Variants in RANBP17 observed in about 807,000 individuals in gnomAD.
RANBP17 encodes RAN binding protein 17, also known as ran-binding protein 17.
Under a neutral mutation model 141.2 loss-of-function variants are expected in RANBP17, and 158 were observed. That is an observed-to-expected ratio of 1.12 (90% CI 0.98 to 1.28). The LOEUF is 1.28. Ranked by LOEUF, RANBP17 falls within the 50% of genes most tolerant of loss-of-function variation. RANBP17 has a pLI of 0.00. For missense variants in RANBP17, 1,438 were observed against 1,290.7 expected (o/e 1.11, Z -1.75); for synonymous variants, 430 against 450.0 (o/e 0.96, Z 0.56).
intron 14 of RANBP17, among the ~76,000 whole-genome samples, chr5:171,149,969 G>A (rs1001158424): frequency 6.6e-6 from 1 of 152,176 alleles, no homozygotes; most frequent in African/African-American, 2.4e-5. Flanking sequence ...CAGATGTGGG[G>A]GTAGGGGGAG....
chr5:171,277,938 CTTTTTTTTTTTTT>C (rs140208253), intron 25 of RANBP17, among the ~76,000 whole-genome samples: 5 of 72,266 alleles, frequency 6.9e-5, no homozygotes, highest in Non-Finnish European at 9.4e-5. Flanking sequence ...GGACTTCTTT[CTTTTTTTTTTTTT>C]TTTTTTTTTT....
At chr5:171,180,354 C>G (rs565161569) in intron 16 of RANBP17, among the ~76,000 whole-genome samples, 256 of 152,314 alleles carry the variant, frequency 1.7e-3, no homozygotes, top group African/African-American at 5.7e-3. Context: ...CGTGACTCTT[C>G]TGTTGACATG....
At chr5:170,890,504 C>T (rs920474027) in intron 3 of RANBP17, among the ~76,000 whole-genome samples, 2 of 152,018 alleles carry the variant, frequency 1.3e-5, no homozygotes, top group Non-Finnish European at 2.9e-5. Flanking sequence ...TATCAAGAAT[C>T]TTACTACAAT....
intron 5 of RANBP17, chr5:170,897,185 G>A (rs372440344): frequency 2.2e-5 from 16 of 727,260 alleles, no homozygotes; most frequent in East Asian, 2.1e-4. Context: ...TTATGGCTCC[G>A]GAAATAATTG....
At chr5:171,102,567 AT>A (rs1184166622) in intron 14 of RANBP17, among the ~76,000 whole-genome samples, 1 of 151,908 alleles carries the variant, frequency 6.6e-6, no homozygotes, top group African/African-American at 2.4e-5. Flanking sequence ...GGAGTTTGTT[AT>A]TACGCACTTT....
chr5:170,891,937 C>T (rs570138209), intron 3 of RANBP17, among the ~76,000 whole-genome samples: 27 of 152,196 alleles, frequency 1.8e-4, no homozygotes, highest in Middle Eastern at 6.8e-3. Context: ...GTTCTATTCA[C>T]GTTTTTCCCT....
At position 170,983,516 on chromosome 5, in the gene RANBP17, T is replaced by C. The variant is rs375034058; in HGVS notation, c.1710+15139T>C. ...AATATGTTAGGGAGTCAAAAGATAA[T>C]GTGAAAAATTCTTATATCAGGAAAT... On this transcript the variant is annotated intron_variant, in intron 14 of 27. Coordinates refer to ENST00000523189, the MANE Select transcript of RANBP17 (RefSeq NM_022897.5). Among the ~76,000 whole-genome samples, 27 of 152,226 alleles carry C rather than the reference T, an allele frequency of 1.8e-4. No individual in the cohort carries two copies. The East Asian group carries it at 2.5e-3, about 14-fold the overall frequency.
chr5:171,171,305 A>G lies in RANBP17; in HGVS notation c.1865+19A>G. 1.1e-5 allele frequency: 15 copies of G among 1,361,842 alleles called. No homozygotes were observed. The highest frequency in any genetic ancestry group is 1.4e-5 in the Non-Finnish European group (14 of 969,218). 84.4% of individuals were successfully genotyped at this position (1,361,842 alleles called of 1,614,324 possible). ...CTGTTGGATATCCTTTTCACTGTATATCTGACATTATGTGTAAACAACCTA... is the reference window on the plus strand; with the variant it reads ...CTGTTGGATATCCTTTTCACTGTATGTCTGACATTATGTGTAAACAACCTA... On this transcript the variant is annotated intron_variant, in intron 16 of 27. Transcript: ENST00000523189.
intron 14 of RANBP17, among the ~76,000 whole-genome samples, chr5:170,975,372 T>TG (rs548697949): frequency 3.0e-4 from 45 of 152,110 alleles, no homozygotes; most frequent in African/African-American, 1.1e-3. Flanking sequence ...CTACTAAAAA[T>TG]ACAAAATTTA....
chr5:171,136,598 A>T (rs925146794), intron 14 of RANBP17, among the ~76,000 whole-genome samples: 6 of 152,138 alleles, frequency 3.9e-5, no homozygotes, highest in Non-Finnish European at 7.4e-5. Flanking sequence ...ACACCGTGCT[A>T]TCAGGACTCT....
intron 3 of RANBP17, among the ~76,000 whole-genome samples, chr5:170,884,060 A>G (rs1210547971): frequency 1.3e-5 from 2 of 152,190 alleles, no homozygotes; most frequent in Admixed American, 6.5e-5. Flanking sequence ...ACCACTTTGC[A>G]TTCCCACCAG....
At chr5:170,891,988 G>A (rs1004454449) in intron 3 of RANBP17, among the ~76,000 whole-genome samples, 1 of 152,130 alleles carries the variant, frequency 6.6e-6, no homozygotes, top group African/African-American at 2.4e-5. Context: ...TTTTTCAAAA[G>A]AAGCCTAATA....
At chr5:171,041,974 A>T (rs960603092) in intron 14 of RANBP17, among the ~76,000 whole-genome samples, 1 of 151,920 alleles carries the variant, frequency 6.6e-6, no homozygotes, top group African/African-American at 2.4e-5. Flanking sequence ...GCTCCCACTT[A>T]TAAGTGAGAA....
At position 171,066,529 on chromosome 5, in the gene RANBP17, C is replaced by T. The variant is rs181872965; in HGVS notation, c.1710+98152C>T. 1.7e-3 allele frequency among the ~76,000 whole-genome samples: 265 copies of T among 152,242 alleles called. 2 individuals are homozygous for T. The highest frequency in any genetic ancestry group is 3.2e-3 in the Non-Finnish European group (221 of 68,024). ...TCTTTTTTAAGGCTGAATAGCATTC[C>T]ACTGTATGTATATACCACATTTTCT... On this transcript the variant is annotated intron_variant, in intron 14 of 27. Coordinates refer to ENST00000523189, the MANE Select transcript of RANBP17 (RefSeq NM_022897.5).
chr5:171,232,579 G>A (rs1489948943), intron 22 of RANBP17, among the ~76,000 whole-genome samples: 1 of 151,732 alleles, frequency 6.6e-6, no homozygotes, highest in East Asian at 1.9e-4. Context: ...AATTCTGTAA[G>A]CTTTAAATTT....
chr5:171,275,750 A>G (rs936091617), intron 25 of RANBP17, among the ~76,000 whole-genome samples: 1 of 152,208 alleles, frequency 6.6e-6, no homozygotes, highest in African/African-American at 2.4e-5. Flanking sequence ...GGAATACTCA[A>G]AAGTCAAGTT....
At chr5:170,913,832 TG>T (rs1243426839) in intron 7 of RANBP17, among the ~76,000 whole-genome samples, 3 of 152,078 alleles carry the variant, frequency 2.0e-5, no homozygotes, top group Non-Finnish European at 4.4e-5. Flanking sequence ...TTTTTTTTAT[TG>T]TAAGCTTTTT....
At position 170,946,741 on chromosome 5, in the gene RANBP17, T is replaced by C. The variant is rs144313840; in HGVS notation, c.1469-6856T>C. 2.2e-3 allele frequency among the ~76,000 whole-genome samples: 337 copies of C among 152,286 alleles called. 1 individual carries two copies. The highest frequency in any genetic ancestry group is 7.3e-3 in the African/African-American group (303 of 41,566). On this transcript the variant is annotated intron_variant, in intron 12 of 27. Transcript: ENST00000523189. The stretch of plus-strand genomic sequence containing the variant: ...ATTTTTCATGCTGGAACAAAGCTTA[T>C]CTAACATGTGTTTTCTATATAAGAC...
At chr5:171,137,287 T>A (rs1757351174) in intron 14 of RANBP17, among the ~76,000 whole-genome samples, 1 of 152,186 alleles carries the variant, frequency 6.6e-6, no homozygotes, top group African/African-American at 2.4e-5. Context: ...CCTATTTTGA[T>A]AGTAACTGAG....
Sources: gnomAD v4.1 joint callset for allele counts (sites outside exome capture counted in the v4.1 genomes callset) on GRCh38, gnomAD v4.1.1 for gene constraint, MANE v1.5 for transcripts, NCBI Gene and HGNC (gene_info 2026-07-23, HGNC 2026-07-21) for gene names.